KSR2: variants seen among roughly 807,000 people sequenced by gnomAD.
The protein encoded by KSR2 is kinase suppressor of ras 2.
KSR2 carries 25 observed loss-of-function variants against 107.8 expected under a neutral mutation model. The ratio of observed to expected loss-of-function variants is 0.23; its 90% confidence interval spans 0.17 to 0.32. The LOEUF (loss-of-function observed/expected upper bound fraction) is 0.32. Ranked by LOEUF, KSR2 falls within the 10% of genes least tolerant of loss-of-function variation. The pLI, the probability that KSR2 is intolerant of heterozygous loss-of-function variation, is 1.00. For missense variants in KSR2, 887 were observed against 1,268.9 expected, an observed-to-expected ratio of 0.70 and a Z score of 4.57; for synonymous variants, 480 against 507.0, an observed-to-expected ratio of 0.95 and a Z score of 0.71.
chr12:117,923,090 T>C (rs1895393317), intron 1 of KSR2, among the ~76,000 whole-genome samples: 1 of 152,170 alleles, frequency 6.6e-6, no homozygotes, highest in Admixed American at 6.5e-5. Flanking sequence ...ACCTAGTGTG[T>C]TCCTAAGCTC....
rs116147259 is a variant in KSR2, at chr12:117,541,924, G to A, written c.1519-2037C>T. Among the ~76,000 whole-genome samples the A allele has an allele frequency of 5.8e-3, 876 of 151,688 alleles. 12 individuals carry two copies. The highest frequency in any genetic ancestry group is 0.022 in the South Asian group (105 of 4,768). ...TTTTTGAGATGAGATCTCATTCTGC[G>A]GCCTGGGCTGGAGGGTAATGGCACA... On this transcript the variant is annotated intron_variant, in intron 9 of 19. Transcript: ENST00000339824.
chr12:117,846,431 C>G (rs1892708317), intron 3 of KSR2, among the ~76,000 whole-genome samples: 1 of 151,470 alleles, frequency 6.6e-6, no homozygotes, highest in Non-Finnish European at 1.5e-5. Context: ...GTAGCTGGGA[C>G]TATAGGTGTG....
chr12:117,759,667 C>A (rs1001740680), intron 4 of KSR2, among the ~76,000 whole-genome samples: 2 of 152,190 alleles, frequency 1.3e-5, no homozygotes, highest in African/African-American at 4.8e-5. Context: ...GCCCTGGCAT[C>A]CACCGTTCTA....
intron 9 of KSR2, among the ~76,000 whole-genome samples, chr12:117,549,803 C>T (rs1877162370): frequency 6.6e-6 from 1 of 151,876 alleles, no homozygotes; most frequent in Non-Finnish European, 1.5e-5. Flanking sequence ...ATGAACTAAG[C>T]AATTGAAAGG....
At chr12:117,743,250 G>A (rs888534015) in intron 4 of KSR2, among the ~76,000 whole-genome samples, 2 of 152,296 alleles carry the variant, frequency 1.3e-5, no homozygotes, top group South Asian at 4.1e-4. Context: ...TCTTCCCAAA[G>A]AAGCAAGTGC....
At chr12:117,772,343 A>T (rs1889516319) in intron 3 of KSR2, among the ~76,000 whole-genome samples, 1 of 120,592 alleles carries the variant, frequency 8.3e-6, no homozygotes, top group Non-Finnish European at 1.7e-5. Flanking sequence ...CATACACACC[A>T]TTCCCCCAAA....
chr12:117,667,581 T>C lies in KSR2; in HGVS notation c.1064A>G (p.Gln355Arg), dbSNP rs1593110444. ...VGSCENIPSQ[Q>R]RSPLLSERSL... is the part of the protein sequence containing the mutation. ...GCGCTCGGACAGCAGCGGGGAGCGC[T>C]GCTGAGAGGGGATGTTCTCGCAGCT... Residue 355 changes from glutamine to arginine, a missense_variant, in exon 5 of 20, where the codon CAG becomes CGG. This residue lies in a region of KSR2 where 399 missense variants were observed against 479.5 expected (regional missense o/e 0.83). Transcript: ENST00000339824. 1 of 1,613,376 alleles carries C rather than the reference T, an allele frequency of 6.2e-7. No individual in the cohort carries two copies. The highest frequency in any genetic ancestry group is 2.2e-5 in the East Asian group (1 of 44,862).
At chr12:117,681,337 T>G (rs577952175) in intron 4 of KSR2, among the ~76,000 whole-genome samples, 2 of 152,084 alleles carry the variant, frequency 1.3e-5, no homozygotes, top group African/African-American at 4.8e-5. Flanking sequence ...TCCAGTGATA[T>G]GGTAGTGAGT....
intron 4 of KSR2, among the ~76,000 whole-genome samples, chr12:117,669,430 C>G (rs1306430802): frequency 6.6e-6 from 1 of 152,154 alleles, no homozygotes; most frequent in Non-Finnish European, 1.5e-5. Context: ...AATAACAGAG[C>G]TACTCGTCCA....
At chr12:117,530,575 C>T (rs1340344742) in intron 12 of KSR2, among the ~76,000 whole-genome samples, 1 of 152,080 alleles carries the variant, frequency 6.6e-6, no homozygotes, top group Non-Finnish European at 1.5e-5. Context: ...GGAATAATTG[C>T]CCTTTCATTA....
intron 14 of KSR2, among the ~76,000 whole-genome samples, chr12:117,502,252 G>C (rs1099267): frequency 0.82 from 124,431 of 152,234 alleles, 51,365 homozygotes; most frequent in East Asian, 0.99. Context: ...TATGTATGTG[G>C]ACTCACGTGT....
chr12:117,706,813 G>A (rs1225534698), intron 4 of KSR2, among the ~76,000 whole-genome samples: 2 of 151,990 alleles, frequency 1.3e-5, no homozygotes, highest in Non-Finnish European at 2.9e-5. Context: ...AAAGTGGCCT[G>A]GTCAACATAC....
intron 7 of KSR2, among the ~76,000 whole-genome samples, chr12:117,565,941 C>T (rs547203972): frequency 1.3e-5 from 2 of 152,242 alleles, no homozygotes; most frequent in African/African-American, 4.8e-5. Context: ...TGTTACTTTT[C>T]CCCCCAGTAT....
intron 4 of KSR2, among the ~76,000 whole-genome samples, chr12:117,691,909 C>T (rs527556941): frequency 1.3e-5 from 2 of 152,298 alleles, no homozygotes; most frequent in East Asian, 1.9e-4. Flanking sequence ...GAGGATTCCC[C>T]ATTTTACAGA....
intron 1 of KSR2, among the ~76,000 whole-genome samples, chr12:117,892,847 T>G (rs887166087): frequency 6.6e-6 from 1 of 151,414 alleles, no homozygotes; most frequent in Admixed American, 6.6e-5. Context: ...AAAGTGAATT[T>G]TTATAAATAG....
At chr12:117,645,913 G>A (rs1031938689) in intron 5 of KSR2, among the ~76,000 whole-genome samples, 8 of 128,608 alleles carry the variant, frequency 6.2e-5, no homozygotes, top group African/African-American at 2.7e-4. Flanking sequence ...GTGTGTGTGT[G>A]TACAGCTGTC....
intron 4 of KSR2, among the ~76,000 whole-genome samples, chr12:117,755,631 A>G (rs1888763247): frequency 6.6e-6 from 1 of 152,240 alleles, no homozygotes; most frequent in South Asian, 2.1e-4. Flanking sequence ...CAATATTGAA[A>G]TTAGCCTGAT....
chr12:117,767,257 CAA>C (rs1203613217), intron 3 of KSR2, among the ~76,000 whole-genome samples: 18,305 of 119,946 alleles, frequency 0.15, 1,550 homozygotes, highest in Admixed American at 0.27. Flanking sequence ...ACTAAAAATC[CAA>C]AAAAAAAAAA....
intron 3 of KSR2, among the ~76,000 whole-genome samples, chr12:117,845,068 C>A (rs1042591364): frequency 6.6e-6 from 1 of 152,144 alleles, no homozygotes; most frequent in African/African-American, 2.4e-5. Flanking sequence ...ATGGCATGAA[C>A]CCGGGAGGCG....
Sources: allele counts gnomAD v4.1 joint callset (sites outside exome capture counted in the v4.1 genomes callset), GRCh38; gene constraint gnomAD v4.1.1; regional missense constraint gnomAD v4.1.1; transcripts MANE v1.5; gene names NCBI Gene and HGNC (gene_info 2026-07-23, HGNC 2026-07-21).